DPY30: variants seen among roughly 807,000 people sequenced by gnomAD.
DPY30 encodes protein dpy-30 homolog.
In DPY30, 6 loss-of-function variants were observed where a neutral mutation model predicts 16.2. The observed-to-expected ratio is 0.37, with a 90% CI of 0.20 to 0.73. The LOEUF is 0.73. Among genes scored for constraint, DPY30 ranks in the 30% least tolerant of loss-of-function variants. The pLI, the probability that DPY30 is intolerant of heterozygous loss-of-function variation, is 0.51. For synonymous variants in DPY30, 39 were observed against 38.8 expected (o/e 1.00, Z -0.02); for missense variants, 73 against 113.1 (o/e 0.65, Z 1.61).
intron 4 of DPY30, among the ~76,000 whole-genome samples, chr2:32,027,531 CAAAA>C (rs370515191): frequency 5.8e-5 from 4 of 68,878 alleles, no homozygotes; most frequent in Non-Finnish European, 9.1e-5. Context: ...AACTCTGTCT[CAAAA>C]AAAAAAAAAA....
downstream of DPY30, among the ~76,000 whole-genome samples, chr2:32,019,868 A>G (rs1308803971): frequency 6.8e-6 from 1 of 146,640 alleles, no homozygotes; most frequent in African/African-American, 2.5e-5. Context: ...ACACACATAT[A>G]TATGTGTATA....
At chr2:32,029,800 C>T (rs1675465873) in intron 3 of DPY30, 64 bp from the exon 4 acceptor site, 2 of 1,566,768 alleles carry the variant, frequency 1.3e-6, no homozygotes, top group South Asian at 2.2e-5. Context: ...GAGTGCTAAA[C>T]AAAACTAATG....
intron 5 of DPY30, among the ~76,000 whole-genome samples, chr2:32,012,496 T>C (rs1674974708): frequency 7.1e-6 from 1 of 141,402 alleles, no homozygotes; most frequent in Admixed American, 7.5e-5. Flanking sequence ...AGTGGCTCGA[T>C]CTGGGCTCGC....
downstream of DPY30, among the ~76,000 whole-genome samples, chr2:32,019,574 C>T (rs920733433): frequency 4.6e-5 from 7 of 151,138 alleles, no homozygotes; most frequent in Non-Finnish European, 7.4e-5. Flanking sequence ...ACCATCCCAA[C>T]ACTTTGGGAG....
In DPY30 at chr2:32,039,444, G is replaced by C. The variant is rs1675881529; in HGVS notation, c.13C>G (p.Gln5Glu). 4 of 1,613,900 alleles carry C rather than the reference G, an allele frequency of 2.5e-6. No homozygotes were observed. The highest frequency in any genetic ancestry group is 1.3e-5 in the African/African-American group (1 of 74,812). MEPE[Q>E]MLEGQTQVAE... The stretch of plus-strand genomic sequence containing the variant: ...ACCTGCGTTTGTCCCTCCAGCATCT[G>C]CTCTGGCTCCATGGCGGACCCTGCA... Residue 5 changes from glutamine to glutamate, a missense_variant, in exon 2 of 5, where the codon CAG (glutamine) becomes GAG (glutamate). This residue lies in a region of DPY30 where 52 missense variants were observed against 71.5 expected (regional missense o/e 0.73). Coordinates refer to ENST00000342166, the MANE Select transcript of DPY30 (RefSeq NM_001321209.2).
chr2:32,033,629 G>A lies in DPY30; in HGVS notation c.85-3893C>T, dbSNP rs186998636. Among the ~76,000 whole-genome samples the A allele has an allele frequency of 2.5e-3, 375 of 152,234 alleles. 1 individual carries two copies. The highest frequency in any genetic ancestry group is 3.3e-3 in the Non-Finnish European group (225 of 68,004). ...GGAGGTTGCGGTGAGCCGAGATCGC[G>A]CCACAGCACTCCAGCCCAGCAACAA... On this transcript the variant is annotated intron_variant, in intron 3 of 4. Transcript: ENST00000342166.
rs555348585 is a variant in DPY30, at chr2:32,014,038, G to A, written n.378-1986C>T. On this transcript the variant is annotated intron_variant and non_coding_transcript_variant, in intron 5 of 5. Transcript: ENST00000414013. ...AGAAAGAGAGAAAGAGAGAGACAGA[G>A]AGGGAGGGAGGGGAGGGAGGAAGGG... Among the ~76,000 whole-genome samples, 3 of 151,656 alleles carry A rather than the reference G, an allele frequency of 2.0e-5. No individual in the cohort carries two copies. In the East Asian group the frequency reaches 5.8e-4, roughly 29 times the overall value.
chr2:32,027,770 A>G (rs1675387802), intron 4 of DPY30, among the ~76,000 whole-genome samples: 1 of 151,408 alleles, frequency 6.6e-6, no homozygotes, highest in Non-Finnish European at 1.5e-5. Context: ...CTGGGCCTAC[A>G]GGCACCTGCC....
chr2:32,013,400 G>A (rs1048769565), intron 5 of DPY30: 5 of 152,126 alleles, frequency 3.3e-5, no homozygotes, highest in Non-Finnish European at 5.9e-5. Context: ...TCTCTAGGAT[G>A]CTCTCAATAC....
intron 5 of DPY30, among the ~76,000 whole-genome samples, chr2:32,015,849 TAAA>T (rs751298889): frequency 6.7e-5 from 8 of 119,710 alleles, no homozygotes; most frequent in African/African-American, 9.3e-5. Flanking sequence ...AGACCCTGTC[TAAA>T]AAAAAAAAAA....
intron 4 of DPY30, among the ~76,000 whole-genome samples, chr2:32,028,971 A>T (rs1012903663): frequency 3.3e-5 from 5 of 151,996 alleles, no homozygotes; most frequent in Admixed American, 6.6e-5. Flanking sequence ...CTCAAAAAAA[A>T]ATAAGAATAA....
At chr2:32,033,666 C>T (rs1036294267) in intron 3 of DPY30, among the ~76,000 whole-genome samples, 6 of 152,226 alleles carry the variant, frequency 3.9e-5, no homozygotes, top group South Asian at 2.1e-4. Flanking sequence ...AGCAAAACTC[C>T]GTCTCAAAAC....
downstream of DPY30, among the ~76,000 whole-genome samples, chr2:32,019,938 ATATG>A (rs916321754): frequency 6.7e-6 from 1 of 148,816 alleles, no homozygotes; most frequent in Non-Finnish European, 1.5e-5. Flanking sequence ...TTGTACATAT[ATATG>A]TATATGTAAA....
chr2:32,018,454 A>G (rs2148651448), intron 5 of DPY30, among the ~76,000 whole-genome samples: 1 of 152,318 alleles, frequency 6.6e-6, no homozygotes, highest in African/African-American at 2.4e-5. Context: ...TCAGCCAGGC[A>G]CAGTGGCTCA....
Position 32,018,826 on chromosome 2 carries a change from C to G in DPY30, n.377+4596G>C, listed in dbSNP as rs557331332. Among the ~76,000 whole-genome samples, 21 of 151,980 alleles carry G rather than the reference C, an allele frequency of 1.4e-4. No individual in the cohort carries two copies. The South Asian group carries it at 3.5e-3, about 26-fold the overall frequency. The stretch of plus-strand genomic sequence containing the variant: ...TTGAGCCCAGGAGTTCAAGACCAGC[C>G]TGGGCAACATGGTGAAATCCTGTCT... On this transcript the variant is annotated intron_variant and non_coding_transcript_variant, in intron 5 of 5. Transcript: ENST00000414013.
chr2:32,038,413 G>T (rs924191161), intron 3 of DPY30, among the ~76,000 whole-genome samples: 2 of 103,402 alleles, frequency 1.9e-5, no homozygotes, highest in African/African-American at 7.1e-5. Context: ...ATTTTGAGGG[G>T]GGGGGGGGCG....
intron 5 of DPY30, among the ~76,000 whole-genome samples, chr2:32,013,869 G>C (rs1289903690): frequency 6.6e-6 from 1 of 152,104 alleles, no homozygotes; most frequent in Admixed American, 6.6e-5. Flanking sequence ...TTAGCCAGGC[G>C]TGGTGGCAGG....
intron 4 of DPY30, among the ~76,000 whole-genome samples, chr2:32,026,653 C>A (rs1024967685): frequency 1.3e-5 from 2 of 151,670 alleles, no homozygotes; most frequent in African/African-American, 4.8e-5. Flanking sequence ...TAGCCAGGCA[C>A]GATGGCAGGC....
rs574377033 is a variant in DPY30 at position 32,027,913 on chromosome 2, C to G, written c.227+1681G>C. Among the ~76,000 whole-genome samples, 350 of 152,088 alleles carry G rather than the reference C, an allele frequency of 2.3e-3. 4 individuals are homozygous for G. Among genetic ancestry groups the G allele is most frequent in the Middle Eastern group, 3.4e-3 (1 of 294 alleles). On this transcript the variant is annotated intron_variant, in intron 4 of 4. Transcript: ENST00000342166. ...AAAGTGTTGGGATTACAGGCGTGAG[C>G]CACCACGCCCGGCCCAAGATACCCA...
Sources: gnomAD v4.1 joint callset for allele counts (sites outside exome capture counted in the v4.1 genomes callset) on GRCh38, gnomAD v4.1.1 for gene constraint, gnomAD v4.1.1 regional missense constraint, MANE v1.5 for transcripts, NCBI Gene and HGNC (gene_info 2026-07-23, HGNC 2026-07-21) for gene names.